DPYS: variants seen among roughly 807,000 people sequenced by gnomAD.
DPYS encodes the protein dihydropyrimidinase, also known as dihydropyrimidine amidohydrolase.
Under a neutral mutation model 50.3 loss-of-function variants are expected in DPYS, and 39 were observed. The ratio of observed to expected loss-of-function variants is 0.78; its 90% CI spans 0.60 to 1.01. The LOEUF (loss-of-function observed/expected upper bound fraction) is 1.01, where lower values mean the gene tolerates loss of function less well. Ranked by LOEUF, DPYS falls within the 50% of genes least tolerant of loss-of-function variation. The pLI, the probability that DPYS is intolerant of heterozygous loss-of-function variation, is 0.00. For missense variants in DPYS, 659 were observed against 680.9 expected (o/e 0.97, Z 0.36); for synonymous variants, 245 against 250.7 (o/e 0.98, Z 0.22).
intron 9 of DPYS, among the ~76,000 whole-genome samples, chr8:104,380,217 CA>C (rs1810985352): frequency 6.6e-6 from 1 of 152,132 alleles, no homozygotes; most frequent in Non-Finnish European, 1.5e-5. Context: ...AGGATTTATG[CA>C]GGGAATAAGA....
Position 104,451,365 on chromosome 8 carries a change from C to A in DPYS, c.304G>T (p.Ala102Ser). The A allele has an allele frequency of 1.2e-6, 2 of 1,614,092 alleles. No homozygotes were observed. The highest frequency in any genetic ancestry group is 1.7e-6 in the Non-Finnish European group (2 of 1,180,012). ...AGGGAGCCACCTTTCTGAGGAATGGCGAAATCAATAATCATGGTGGTGCCT... is the reference window on the plus strand; with the variant it reads ...AGGGAGCCACCTTTCTGAGGAATGGAGAAATCAATAATCATGGTGGTGCCT... ...SGGTTMIIDF[A>S]IPQKGGSLIE... is the part of the protein sequence containing the mutation. Residue 102 changes from alanine (A) to serine (S), a missense_variant, in exon 2 of 10, where the codon GCC becomes TCC. Physicochemically the swap from Ala to Ser is moderately conservative, Grantham distance 99. Coordinates refer to ENST00000351513, the MANE Select transcript of DPYS (RefSeq NM_001385.3).
chr8:104,454,572 A>G (rs2140747911), intron 1 of DPYS, among the ~76,000 whole-genome samples: 1 of 152,364 alleles, frequency 6.6e-6, no homozygotes. Flanking sequence ...TAGTGAAGGG[A>G]GTGGGAGATC....
At chr8:104,407,972 C>T (rs1812050017) in intron 7 of DPYS, among the ~76,000 whole-genome samples, 2 of 152,024 alleles carry the variant, frequency 1.3e-5, no homozygotes, top group Non-Finnish European at 2.9e-5. Flanking sequence ...AAAAAGTCAT[C>T]TTGGTGGAAG....
In DPYS at chr8:104,466,790, C is replaced by T. The variant is rs367711099; in HGVS notation, c.131G>A (p.Gly44Asp). 6.5e-7 allele frequency: 1 copy of T among 1,533,726 alleles called. No individual in the cohort carries two copies. The highest frequency in any genetic ancestry group is 2.0e-5 in the Admixed American group (1 of 50,836). The change falls in exon 1 of 10, where the codon GGC becomes GAC. Residue 44 changes from glycine (G) to aspartate (D), a missense_variant. Physicochemically the swap from Gly to Asp is moderately conservative, Grantham distance 94. Transcript: ENST00000351513. ...GAGGACCCGCAGCCCCGCAGGAGCG[C>T]CCCCGGGAGGCAGCAGGTCGTGCCC... is the stretch of plus-strand genomic sequence containing the variant. ...ALGHDLLPPG[G>D]APAGLRVLDA...
intron 7 of DPYS, among the ~76,000 whole-genome samples, chr8:104,423,426 A>G (rs995958178): frequency 3.3e-5 from 5 of 152,208 alleles, no homozygotes; most frequent in East Asian, 1.9e-4. Flanking sequence ...GAGCACTTCA[A>G]TTGAAGCTGG....
chr8:104,446,573 G>C (rs1011800301), intron 3 of DPYS, among the ~76,000 whole-genome samples: 1 of 152,158 alleles, frequency 6.6e-6, no homozygotes, highest in Non-Finnish European at 1.5e-5. Flanking sequence ...ACTTCCTGTT[G>C]TCATGAAACT....
chr8:104,439,785 AAAAT>A (rs1438608265), intron 4 of DPYS, among the ~76,000 whole-genome samples: 6 of 152,160 alleles, frequency 3.9e-5, no homozygotes, highest in Admixed American at 1.3e-4. Flanking sequence ...TCTGTCTCTA[AAAAT>A]AAATAAATAA....
intron 7 of DPYS, among the ~76,000 whole-genome samples, chr8:104,402,587 G>T (rs2140548350): frequency 6.6e-6 from 1 of 152,240 alleles, no homozygotes; most frequent in Middle Eastern, 3.4e-3. Flanking sequence ...TGTTGTCTTT[G>T]GCAAGCTGAC....
intron 7 of DPYS, among the ~76,000 whole-genome samples, chr8:104,416,283 T>G (rs765351538): frequency 6.6e-6 from 1 of 152,214 alleles, no homozygotes; most frequent in Non-Finnish European, 1.5e-5. Flanking sequence ...AAAACTGGCA[T>G]AGTTACTACC....
chr8:104,392,683 G>C, intron 8 of DPYS, 101 bp downstream of exon 8: 2 of 1,396,164 alleles, frequency 1.4e-6, no homozygotes, highest in Non-Finnish European at 2.0e-6. Context: ...ATTAAACCAA[G>C]TGTGATGTGT....
intron 4 of DPYS, among the ~76,000 whole-genome samples, chr8:104,434,784 A>G (rs933863846): frequency 1.3e-5 from 2 of 152,208 alleles, no homozygotes; most frequent in East Asian, 1.9e-4. Flanking sequence ...TATGAAAAAT[A>G]TAAGGAAAAT....
intron 1 of DPYS, among the ~76,000 whole-genome samples, chr8:104,451,632 T>C (rs911229338): frequency 6.6e-6 from 1 of 152,194 alleles, no homozygotes; most frequent in Non-Finnish European, 1.5e-5. Context: ...AAGAATGTCA[T>C]ATCTGATAAG....
intron 7 of DPYS, among the ~76,000 whole-genome samples, chr8:104,413,199 T>C (rs1026636212): frequency 6.6e-6 from 1 of 151,956 alleles, no homozygotes; most frequent in African/African-American, 2.4e-5. Context: ...CATAATAGTA[T>C]AAAGCAGTGA....
At chr8:104,395,355 C>A (rs1448528538) in intron 7 of DPYS, among the ~76,000 whole-genome samples, 1 of 152,162 alleles carries the variant, frequency 6.6e-6, no homozygotes, top group Non-Finnish European at 1.5e-5. Context: ...CCTTCTGGTG[C>A]ACATTTCTAT....
chr8:104,414,705 C>G (rs774473669), intron 7 of DPYS, among the ~76,000 whole-genome samples: 3 of 152,026 alleles, frequency 2.0e-5, no homozygotes, highest in Non-Finnish European at 4.4e-5. Context: ...ATATAAGGAC[C>G]CTGGGATTCT....
chr8:104,452,915 C>A (rs377326032), intron 1 of DPYS, among the ~76,000 whole-genome samples: 1 of 152,160 alleles, frequency 6.6e-6, no homozygotes, highest in East Asian at 1.9e-4. Context: ...ATGGGTTGAG[C>A]ACTACTATTT....
intron 8 of DPYS, among the ~76,000 whole-genome samples, chr8:104,392,202 A>T (rs1447607733): frequency 1.3e-5 from 2 of 152,098 alleles, no homozygotes; most frequent in African/African-American, 4.8e-5. Flanking sequence ...TTACACTTTT[A>T]CACAGAGGTC....
intron 7 of DPYS, among the ~76,000 whole-genome samples, chr8:104,416,459 T>C (rs1482689872): frequency 6.6e-6 from 1 of 152,128 alleles, no homozygotes; most frequent in East Asian, 1.9e-4. Flanking sequence ...CAGTGACAAA[T>C]CATGGCATAA....
intron 7 of DPYS, chr8:104,423,844 G>T: frequency 2.1e-6 from 1 of 478,428 alleles, no homozygotes; most frequent in Non-Finnish European, 2.7e-6. Context: ...CATCCTTTGT[G>T]CTGGAATTTT....
Sources: gnomAD v4.1 joint callset for allele counts (sites outside exome capture counted in the v4.1 genomes callset) on GRCh38, gnomAD v4.1.1 for gene constraint, MANE v1.5 for transcripts, NCBI Gene and HGNC (gene_info 2026-07-23, HGNC 2026-07-21) for gene names.